The following DCP2 variants were observed in gnomAD, a reference collection of about 807,000 sequenced individuals.
DCP2 encodes the protein m7GpppN-mRNA hydrolase.
In DCP2, 30 loss-of-function variants were observed where a neutral mutation model predicts 56.1. The ratio of observed to expected loss-of-function variants is 0.53; its 90% CI spans 0.40 to 0.73. DCP2 has a LOEUF of 0.73. DCP2 is among the 30% of genes least tolerant of loss of function. The pLI, the probability that DCP2 is intolerant of heterozygous loss-of-function variation, is 0.00. For missense variants in DCP2, 533 were observed against 502.7 expected (o/e 1.06, Z -0.58); for synonymous variants, 197 against 163.3 (o/e 1.21, Z -1.57).
chr5:113,003,335 CTTTAAT>C (rs1749268005), intron 7 of DCP2, among the ~76,000 whole-genome samples: 1 of 152,156 alleles, frequency 6.6e-6, no homozygotes, highest in African/African-American at 2.4e-5. Flanking sequence ...ATCTTGTGCC[CTTTAAT>C]TTTATACTTT....
chr5:112,977,025 T>C (rs997565942), intron 1 of DCP2, 39 bp downstream of exon 1: 13 of 1,459,552 alleles, frequency 8.9e-6, no homozygotes, highest in Admixed American at 2.3e-5. Context: ...CCCGTCGGGT[T>C]TTCTCAGTTT....
rs748697305 is a variant in DCP2 at position 113,001,686 on chromosome 5, C to T, written c.806+12C>T. On this transcript the variant is annotated intron_variant, in intron 7 of 10. Coordinates refer to ENST00000389063, the MANE Select transcript of DCP2 (RefSeq NM_152624.6). ...GTGGAAAAATTGAGGTAAAGAAATACATTCATGGAATCCTGATTTTCTAAT... is the reference window on the plus strand; with the variant it reads ...GTGGAAAAATTGAGGTAAAGAAATATATTCATGGAATCCTGATTTTCTAAT... 4 of 1,600,710 alleles carry T rather than the reference C, an allele frequency of 2.5e-6. No homozygotes were observed. The South Asian group carries it at 3.3e-5, about 13-fold the overall frequency.
rs1748627116 is a variant in DCP2 at position 112,992,211 on chromosome 5, CAT to C, written c.299_300del (p.Tyr100TrpfsTer6). 1 of 1,613,422 alleles carries C rather than the reference CAT, an allele frequency of 6.2e-7. No homozygotes were observed. The highest frequency in any genetic ancestry group is 1.3e-5 in the African/African-American group (1 of 74,872). ...AAGGAATATAAAATGGGAGTACCAA[CAT>C]ATGGTGCAATTATTCTTGATGAGAC... On this transcript the variant is annotated frameshift_variant, in exon 3 of 11. Transcript: ENST00000389063. LOFTEE classifies it high-confidence loss of function.
intron 1 of DCP2, among the ~76,000 whole-genome samples, chr5:112,982,530 T>TA (rs1748057163): frequency 6.6e-6 from 1 of 152,244 alleles, no homozygotes. Flanking sequence ...ATGTGTAAAA[T>TA]ACCTGTTTCT....
chr5:112,977,302 C>T (rs555493995), intron 1 of DCP2, among the ~76,000 whole-genome samples: 3 of 152,292 alleles, frequency 2.0e-5, no homozygotes, highest in South Asian at 2.1e-4. Context: ...GTTTTGCCGC[C>T]GCCGCCGCCT....
At chr5:112,984,701 AAAATATATATATAT>A (rs1324094142) in intron 1 of DCP2, 4 of 79,562 alleles carry the variant, frequency 5.0e-5, no homozygotes, top group African/African-American at 2.5e-4. Context: ...AAAAAAAAAA[AAAATATATATATAT>A]ATATATATAT....
intron 4 of DCP2, among the ~76,000 whole-genome samples, chr5:112,999,585 C>T (rs1406485507): frequency 6.6e-6 from 1 of 151,706 alleles, no homozygotes; most frequent in East Asian, 1.9e-4. Context: ...CTTGGCCTCC[C>T]CTTAGTGCTG....
chr5:112,994,340 T>G (rs923317174), intron 4 of DCP2, among the ~76,000 whole-genome samples: 3 of 150,178 alleles, frequency 2.0e-5, no homozygotes, highest in African/African-American at 7.3e-5. Context: ...CCCAGCTAAT[T>G]TTTTTTTTAT....
chr5:113,009,106 A>G (rs2150190580), intron 9 of DCP2, among the ~76,000 whole-genome samples: 1 of 152,260 alleles, frequency 6.6e-6, no homozygotes, highest in East Asian at 1.9e-4. Flanking sequence ...CTGCCTCCCA[A>G]AGTGCTGGGA....
At chr5:113,000,420 A>ACACACACACACC (rs112449298) in intron 4 of DCP2, among the ~76,000 whole-genome samples, 5,286 of 146,584 alleles carry the variant, frequency 0.036, 377 homozygotes, top group African/African-American at 0.12. Context: ...ACACACACAC[A>ACACACACACACC]CACACCCACA....
intron 7 of DCP2, among the ~76,000 whole-genome samples, chr5:113,002,492 G>A (rs939249172): frequency 7.9e-5 from 12 of 151,718 alleles, no homozygotes; most frequent in African/African-American, 2.2e-4. Context: ...GACATAAACC[G>A]TGAAGAACAT....
intron 9 of DCP2, among the ~76,000 whole-genome samples, chr5:113,009,502 G>C (rs952187937): frequency 6.6e-6 from 1 of 152,164 alleles, no homozygotes; most frequent in African/African-American, 2.4e-5. Context: ...GAGTGTATTG[G>C]TAACACATAA....
chr5:113,003,361 C>G (rs1749269655), intron 7 of DCP2, among the ~76,000 whole-genome samples: 1 of 152,136 alleles, frequency 6.6e-6, no homozygotes, highest in South Asian at 2.1e-4. Flanking sequence ...TAGAGGGTAG[C>G]TTACTTTCTC....
chr5:112,985,951 T>A lies in DCP2; in HGVS notation c.170T>A (p.Leu57Ter). ...TTCTACATGCAGAACACACCAGGAT[T>A]ACCTCAGTGTGGGATAAGAGACTTT... ...LDFYMQNTPGLPQCGIRDFAK... is the reference protein window; with the variant it reads ...LDFYMQNTPG The change falls in exon 2 of 11, where the codon TTA (leucine) becomes TAA (stop). Residue 57 changes from leucine (L) to a stop codon, truncating the protein, a stop_gained. Transcript: ENST00000389063. LOFTEE classifies it high-confidence loss of function. 6.3e-7 allele frequency: 1 copy of A among 1,587,650 alleles called. No homozygotes were observed. Among genetic ancestry groups the A allele is most frequent in the Non-Finnish European group, 8.6e-7 (1 of 1,160,004 alleles).
chr5:113,008,528 C>G (rs566884307), intron 9 of DCP2, among the ~76,000 whole-genome samples: 1 of 152,118 alleles, frequency 6.6e-6, no homozygotes, highest in East Asian at 1.9e-4. Flanking sequence ...AAAGTTAATT[C>G]ATAACTCACA....
chr5:113,018,990 G>A lies in DCP2; in HGVS notation c.*5506G>A, dbSNP rs1208308922. ...ATTGGCTTGGGAACAACAGACTTGT[G>A]TGTGGTTCTAGAGTGAAATGGGCAG... On this transcript the variant is annotated 3_prime_UTR_variant, in exon 11 of 11. Transcript: ENST00000389063. 2.0e-5 allele frequency: 3 copies of A among 152,230 alleles called. No homozygotes were observed. The highest frequency in any genetic ancestry group is 7.2e-5 in the African/African-American group (3 of 41,438). 9.4% of individuals were successfully genotyped at this position (152,230 alleles called of 1,614,324 possible).
Position 112,976,826 on chromosome 5 carries a change from C to T in DCP2, c.-108C>T. 4.4e-6 allele frequency: 5 copies of T among 1,136,008 alleles called. No individual in the cohort carries two copies. Among genetic ancestry groups the T allele is most frequent in the South Asian group, 1.2e-5 (1 of 81,510 alleles). The allele number at this position is 1,136,008 out of a possible 1,614,324, so 70.4% of individuals were successfully genotyped here. A position where few individuals can be genotyped will look rare whatever the true frequency, so the allele number is the denominator to read the frequency against. On this transcript the variant is annotated 5_prime_UTR_variant, in exon 1 of 11. Coordinates refer to ENST00000389063, the MANE Select transcript of DCP2 (RefSeq NM_152624.6). The stretch of plus-strand genomic sequence containing the variant: ...GTCTCCGTTGGAGTCGTCTCTGCCG[C>T]GGCTTCCTCGGCTGCCAGCTCTCCG...
chr5:112,984,220 A>C (rs1013131480), intron 1 of DCP2: 8 of 152,254 alleles, frequency 5.3e-5, no homozygotes, highest in Admixed American at 4.6e-4. Flanking sequence ...AAAAAATCCA[A>C]AATGAAACTG....
chr5:113,007,396 CTTTCTT>C (rs564993574), intron 8 of DCP2, among the ~76,000 whole-genome samples: 11 of 143,398 alleles, frequency 7.7e-5, no homozygotes, highest in Admixed American at 7.0e-5. Flanking sequence ...TTCTTTCTTT[CTTTCTT>C]TTTTTTTTTT....
Sources: gnomAD v4.1 joint callset for allele counts (sites outside exome capture counted in the v4.1 genomes callset) on GRCh38, gnomAD v4.1.1 for gene constraint, MANE v1.5 for transcripts, NCBI Gene and HGNC (gene_info 2026-07-23, HGNC 2026-07-21) for gene names.